The following EEA1 variants were observed in gnomAD, a reference collection of about 807,000 sequenced individuals.
The protein encoded by EEA1 is early endosome antigen 1, 162kD.
A neutral mutation model predicts 209.2 loss-of-function variants in EEA1; 111 were observed. The observed-to-expected ratio is 0.53, with a 90% CI of 0.45 to 0.62. The LOEUF (loss-of-function observed/expected upper bound fraction) is 0.62, where lower values mean the gene tolerates loss of function less well. Among genes scored for constraint, EEA1 ranks in the 20% least tolerant of loss-of-function variants. EEA1 has a pLI of 0.00. For missense variants in EEA1, 1,343 were observed against 1,530.8 expected, an observed-to-expected ratio of 0.88 and a Z score of 2.05; for synonymous variants, 536 against 540.6, an observed-to-expected ratio of 0.99 and a Z score of 0.12.
At chr12:92,828,857 C>G (rs533130145) in intron 11 of EEA1, among the ~76,000 whole-genome samples, 1 of 152,074 alleles carries the variant, frequency 6.6e-6, no homozygotes, top group East Asian at 1.9e-4. Context: ...AAAACCTATC[C>G]GATATTCCCA....
chr12:92,898,735 T>C (rs12829337), intron 1 of EEA1, among the ~76,000 whole-genome samples: 1 of 115,252 alleles, frequency 8.7e-6, no homozygotes, highest in African/African-American at 4.4e-5. Flanking sequence ...TTTTCCCTTT[T>C]TTTTTTTTTT....
In EEA1 at chr12:92,800,081, G is replaced by C. The variant is rs145731536; in HGVS notation, c.2773-995C>G. ...TACTAAAAATACAAAAATTAGCCAG[G>C]CGTGGTGGCAGGCACCTGTAATCCC... On this transcript the variant is annotated intron_variant, in intron 20 of 28. Transcript: ENST00000322349. Among the ~76,000 whole-genome samples the C allele has an allele frequency of 7.4e-4, 112 of 152,124 alleles. No homozygotes were observed. The East Asian group carries it at 0.018, about 25-fold the overall frequency.
chr12:92,825,158 A>C (rs1256390044), intron 13 of EEA1, among the ~76,000 whole-genome samples: 2 of 152,228 alleles, frequency 1.3e-5, no homozygotes, highest in African/African-American at 4.8e-5. Context: ...GCAGTGGCTC[A>C]TGCCTGTAAT....
chr12:92,816,691 T>C (rs1875801925), intron 14 of EEA1, among the ~76,000 whole-genome samples: 1 of 152,202 alleles, frequency 6.6e-6, no homozygotes, highest in African/African-American at 2.4e-5. Context: ...CATACACTTA[T>C]TTAACTAGCC....
chr12:92,859,355 TC>T, intron 3 of EEA1: 1 of 808,838 alleles, frequency 1.2e-6, no homozygotes, highest in Non-Finnish European at 2.0e-6. Flanking sequence ...GGGCCTTCCT[TC>T]CTAAATTTTC....
chr12:92,888,667 A>G (rs887692018), intron 2 of EEA1, among the ~76,000 whole-genome samples: 2 of 152,172 alleles, frequency 1.3e-5, no homozygotes, highest in African/African-American at 4.8e-5. Flanking sequence ...AAACAACTAC[A>G]CTGGTAAATA....
At chr12:92,895,945 G>C (rs1034903320) in intron 1 of EEA1, among the ~76,000 whole-genome samples, 19 of 151,946 alleles carry the variant, frequency 1.3e-4, no homozygotes, top group African/African-American at 4.4e-4. Context: ...AGAATTAAAA[G>C]TGGAGCCTGA....
chr12:92,781,807 A>G, intron 23 of EEA1, 143 bp downstream of exon 23: 2 of 613,158 alleles, frequency 3.3e-6, no homozygotes, highest in Non-Finnish European at 2.5e-6. Flanking sequence ...CCCAATGATC[A>G]AAAGTGTCAG....
chr12:92,849,489 C>A (rs1877520324), intron 9 of EEA1, among the ~76,000 whole-genome samples: 1 of 152,052 alleles, frequency 6.6e-6, no homozygotes, highest in Non-Finnish European at 1.5e-5. Context: ...ACCAGTAGGA[C>A]AAGAGCTTTT....
chr12:92,896,859 G>A (rs1365157458), intron 1 of EEA1, among the ~76,000 whole-genome samples: 1 of 152,100 alleles, frequency 6.6e-6, no homozygotes. Flanking sequence ...TCAGTATAGA[G>A]GCAAAACCTT....
At chr12:92,821,644 C>T (rs1876056345) in intron 13 of EEA1, among the ~76,000 whole-genome samples, 1 of 151,926 alleles carries the variant, frequency 6.6e-6, no homozygotes, top group Admixed American at 6.6e-5. Context: ...GAATGAGGTC[C>T]TCACCCTCAA....
intron 3 of EEA1, chr12:92,859,021 AG>A (rs1878013396): frequency 1.5e-6 from 1 of 686,798 alleles, no homozygotes; most frequent in Non-Finnish European, 2.6e-6. Context: ...AGGTCTGTGC[AG>A]AACGGTTCTT....
intron 18 of EEA1, among the ~76,000 whole-genome samples, chr12:92,803,105 T>C (rs1203580587): frequency 6.6e-6 from 1 of 152,108 alleles, no homozygotes; most frequent in Non-Finnish European, 1.5e-5. Flanking sequence ...TTCATTATGT[T>C]AGTTCTCCAA....
chr12:92,863,405 G>T (rs940842854), intron 3 of EEA1, among the ~76,000 whole-genome samples: 2 of 152,110 alleles, frequency 1.3e-5, no homozygotes, highest in Admixed American at 6.5e-5. Flanking sequence ...ACCTTAGAAC[G>T]AACTACCAGC....
intron 1 of EEA1, among the ~76,000 whole-genome samples, chr12:92,913,134 G>A (rs1183530348): frequency 6.6e-6 from 1 of 152,196 alleles, no homozygotes; most frequent in Non-Finnish European, 1.5e-5. Flanking sequence ...TTTCCACAGA[G>A]GCTGTACTAA....
At chr12:92,831,944 G>T (rs1247232508) in intron 11 of EEA1, among the ~76,000 whole-genome samples, 1 of 150,390 alleles carries the variant, frequency 6.6e-6, no homozygotes, top group African/African-American at 2.4e-5. Context: ...AAAATTAGCC[G>T]GGCGCGGTGG....
At chr12:92,858,055 T>C in intron 3 of EEA1, 2 of 414,450 alleles carry the variant, frequency 4.8e-6, no homozygotes, top group Non-Finnish European at 8.9e-6. Flanking sequence ...TCAACGCCAC[T>C]TCCACTCACT....
At chr12:92,927,326 T>A (rs1037730471) in intron 1 of EEA1, among the ~76,000 whole-genome samples, 3 of 152,224 alleles carry the variant, frequency 2.0e-5, no homozygotes, top group African/African-American at 7.2e-5. Context: ...GCGCCGACGT[T>A]AAGAAACTCA....
intron 13 of EEA1, among the ~76,000 whole-genome samples, chr12:92,821,387 C>T (rs1416134614): frequency 6.6e-6 from 1 of 152,156 alleles, no homozygotes; most frequent in Non-Finnish European, 1.5e-5. Flanking sequence ...TCTTCCTGAA[C>T]TTCCTGTGTA....
Sources: allele counts gnomAD v4.1 joint callset (sites outside exome capture counted in the v4.1 genomes callset), GRCh38; gene constraint gnomAD v4.1.1; transcripts MANE v1.5; gene names NCBI Gene and HGNC (gene_info 2026-07-23, HGNC 2026-07-21).